ACO2: variants seen among roughly 807,000 people sequenced by gnomAD.
The protein encoded by ACO2 is aconitase 2.
A neutral mutation model predicts 84.5 loss-of-function variants in ACO2; 31 were observed. The ratio of observed to expected loss-of-function variants is 0.37; its 90% CI spans 0.28 to 0.50. The LOEUF is 0.50. Among genes scored for constraint, ACO2 ranks in the 20% least tolerant of loss-of-function variants. The pLI is 0.97. For synonymous variants in ACO2, 414 were observed against 412.7 expected (o/e 1.00, Z -0.04); for missense variants, 685 against 1,029.3 (o/e 0.67, Z 4.58).
At chr22:41,496,522 G>C (rs1601897702) in intron 1 of ACO2, among the ~76,000 whole-genome samples, 2 of 152,142 alleles carry the variant, frequency 1.3e-5, no homozygotes, top group East Asian at 3.9e-4. Context: ...AATTGTCCAG[G>C]ATCAGTAAGT....
At position 41,526,424 on chromosome 22, in the gene ACO2, C is replaced by T. The variant is rs556526295; in HGVS notation, c.1924C>T (p.Pro642Ser). The T allele has an allele frequency of 3.7e-5, 59 of 1,613,612 alleles. No homozygotes were observed. The Admixed American group carries it at 9.2e-4, about 25-fold the overall frequency. Reference sequence around the variant, plus strand: ...CAATGCCGTCACTCAGGAGTTTGGCCCCGTCCCTGACACTGCCCGCTACTA... The same window carrying T: ...CAATGCCGTCACTCAGGAGTTTGGCTCCGTCCCTGACACTGCCCGCTACTA... ...VRNAVTQEFG[P>S]VPDTARYYKK... The change falls in exon 15 of 18, where the codon CCC (proline) becomes TCC (serine). Residue 642 changes from proline (P) to serine (S), a missense_variant. Physicochemically the swap from Pro to Ser is moderately conservative, Grantham distance 74 (BLOSUM62 -1). Transcript: ENST00000216254.
intron 1 of ACO2, among the ~76,000 whole-genome samples, chr22:41,482,905 A>C (rs192473988): frequency 6.6e-6 from 1 of 152,382 alleles, no homozygotes; most frequent in African/African-American, 2.4e-5. Context: ...TAATGGGGGC[A>C]CATTTTCATT....
At chr22:41,484,283 T>C (rs902722045) in intron 1 of ACO2, among the ~76,000 whole-genome samples, 3 of 152,182 alleles carry the variant, frequency 2.0e-5, no homozygotes, top group African/African-American at 7.2e-5. Context: ...TCAGTGTGGG[T>C]ACAATGGATT....
At chr22:41,526,216 T>C in intron 14 of ACO2, 46 bp from the exon 15 acceptor site, 1 of 1,567,146 alleles carries the variant, frequency 6.4e-7, no homozygotes, top group Non-Finnish European at 8.7e-7. Context: ...CATCCACCCC[T>C]CCAGGGCCAT....
chr22:41,517,961 T>C (rs2066488683), intron 7 of ACO2, among the ~76,000 whole-genome samples: 1 of 152,208 alleles, frequency 6.6e-6, no homozygotes, highest in Non-Finnish European at 1.5e-5. Flanking sequence ...GGAAATGACA[T>C]GGATCGCTTC....
chr22:41,493,600 A>G (rs533068637), intron 1 of ACO2, among the ~76,000 whole-genome samples: 11 of 152,332 alleles, frequency 7.2e-5, no homozygotes, highest in African/African-American at 2.2e-4. Flanking sequence ...ACTAATTTAT[A>G]AACCTAAGCT....
chr22:41,469,151 C>T lies in ACO2; in HGVS notation c.5C>T (p.Ala2Val), dbSNP rs1427792404. The change falls in exon 1 of 18, where the codon GCG (alanine) becomes GTG (valine). Residue 2 changes from alanine to valine, a missense_variant. Coordinates refer to ENST00000216254, the MANE Select transcript of ACO2 (RefSeq NM_001098.3). M[A>V]PYSLLVTRLQ... The stretch of plus-strand genomic sequence containing the variant: ...TCATCTTTGTCAGTGCACAAAATGG[C>T]GCCCTACAGCCTACTGGTGACTCGG... 19 of 1,608,630 alleles carry T rather than the reference C, an allele frequency of 1.2e-5. No homozygotes were observed. Among genetic ancestry groups the T allele is most frequent in the Non-Finnish European group, 1.5e-5 (18 of 1,177,448 alleles).
chr22:41,523,154 C>T (rs1174769398), intron 10 of ACO2, 51 bp from the exon 11 acceptor site: 3 of 1,565,566 alleles, frequency 1.9e-6, no homozygotes, highest in Non-Finnish European at 2.6e-6. Flanking sequence ...CACCCCTTCC[C>T]ATCAGACTCT....
At chr22:41,488,892 C>G (rs1301424678) in intron 1 of ACO2, among the ~76,000 whole-genome samples, 1 of 152,176 alleles carries the variant, frequency 6.6e-6, no homozygotes, top group Admixed American at 6.5e-5. Flanking sequence ...GTGGCTATCT[C>G]AGAGTAACCT....
intron 1 of ACO2, among the ~76,000 whole-genome samples, chr22:41,476,523 C>T (rs766211762): frequency 1.3e-5 from 2 of 151,388 alleles, no homozygotes; most frequent in African/African-American, 2.4e-5. Context: ...GCCTGACCAA[C>T]ATGGTGAAAC....
At chr22:41,509,132 G>A (rs897680345) in intron 3 of ACO2, among the ~76,000 whole-genome samples, 5 of 152,138 alleles carry the variant, frequency 3.3e-5, no homozygotes, top group Admixed American at 1.3e-4. Context: ...CCACAGTGCC[G>A]GGAACTGCAC....
intron 15 of ACO2, 174 bp downstream of exon 15, chr22:41,526,627 A>C: frequency 3.1e-6 from 2 of 636,630 alleles, no homozygotes; most frequent in Non-Finnish European, 5.1e-6. Context: ...CTGAGAAGGC[A>C]TGAGGCCCAG....
intron 1 of ACO2, among the ~76,000 whole-genome samples, chr22:41,477,505 G>C (rs555495491): frequency 7.8e-4 from 118 of 152,162 alleles, no homozygotes; most frequent in African/African-American, 2.8e-3. Context: ...AGGGGCACCA[G>C]CTTTGGAGCC....
At chr22:41,526,207 A>G (rs931564918) in intron 14 of ACO2, 55 bp from the exon 15 acceptor site, 6 of 1,523,518 alleles carry the variant, frequency 3.9e-6, no homozygotes, top group Non-Finnish European at 5.4e-6. Flanking sequence ...AGGGCTTGTC[A>G]TCCACCCCTC....
chr22:41,494,206 G>A (rs73887730), intron 1 of ACO2, among the ~76,000 whole-genome samples: 1,779 of 152,268 alleles, frequency 0.012, 38 homozygotes, highest in African/African-American at 0.041. Context: ...GGAGGTTTAA[G>A]GAGTTAAATG....
chr22:41,469,215 G>A, intron 1 of ACO2, 33 bp downstream of exon 1: 1 of 1,601,964 alleles, frequency 6.2e-7, no homozygotes, highest in East Asian at 2.3e-5. Context: ...GGGTTCACGG[G>A]GGCGGGGTGC....
chr22:41,481,831 A>G (rs1166157120), intron 1 of ACO2, among the ~76,000 whole-genome samples: 1 of 152,106 alleles, frequency 6.6e-6, no homozygotes, highest in African/African-American at 2.4e-5. Context: ...AACTTCTTCT[A>G]TGTGTTGGAC....
At chr22:41,497,768 A>G (rs2066325265) in intron 1 of ACO2, among the ~76,000 whole-genome samples, 1 of 152,050 alleles carries the variant, frequency 6.6e-6, no homozygotes, top group Non-Finnish European at 1.5e-5. Flanking sequence ...CTGTAGTCCC[A>G]GCTACTTGGG....
chr22:41,470,528 CTTTTTTTTT>C (rs71184811), intron 1 of ACO2, among the ~76,000 whole-genome samples: 6 of 95,852 alleles, frequency 6.3e-5, no homozygotes, highest in African/African-American at 1.9e-4. Context: ...CTCTTTACAT[CTTTTTTTTT>C]TTTTTTTTTT....
Sources: gnomAD v4.1 joint callset for allele counts (sites outside exome capture counted in the v4.1 genomes callset) on GRCh38, gnomAD v4.1.1 for gene constraint, MANE v1.5 for transcripts, NCBI Gene and HGNC (gene_info 2026-07-23, HGNC 2026-07-21) for gene names.